Variants in PTPRM observed in about 807,000 individuals in gnomAD.
PTPRM encodes receptor-type tyrosine-protein phosphatase mu.
In PTPRM, 47 loss-of-function variants were observed where a neutral mutation model predicts 186.7. The observed-to-expected ratio is 0.25, with a 90% confidence interval of 0.20 to 0.32. The LOEUF is 0.32. PTPRM is among the 10% of genes least tolerant of loss of function. The pLI, the probability that PTPRM is intolerant of heterozygous loss-of-function variation, is 1.00. For missense variants in PTPRM, 1,494 were observed against 1,865.0 expected, an observed-to-expected ratio of 0.80 and a Z score of 3.66; for synonymous variants, 668 against 674.9, an observed-to-expected ratio of 0.99 and a Z score of 0.16.
intron 11 of PTPRM, among the ~76,000 whole-genome samples, chr18:8,110,375 C>T (rs905409619): frequency 1.9e-4 from 29 of 152,196 alleles, no homozygotes; most frequent in Admixed American, 1.4e-3. Flanking sequence ...TTTTAGGACA[C>T]AGGGCATCTG....
chr18:8,033,476 A>G (rs2086125789), intron 7 of PTPRM, among the ~76,000 whole-genome samples: 1 of 152,214 alleles, frequency 6.6e-6, no homozygotes, highest in African/African-American at 2.4e-5. Flanking sequence ...CCTAGATGGT[A>G]GAGCCAACTA....
intron 8 of PTPRM, 141 bp downstream of exon 8, chr18:8,070,135 T>C (rs989278536): frequency 1.3e-6 from 1 of 743,380 alleles, no homozygotes; most frequent in African/African-American, 1.8e-5. Flanking sequence ...TACTCTGTAT[T>C]CTTAAGCGCT....
chr18:7,746,901 G>A (rs560287820), intron 1 of PTPRM, among the ~76,000 whole-genome samples: 101 of 152,306 alleles, frequency 6.6e-4, no homozygotes, highest in African/African-American at 2.2e-3. Flanking sequence ...AGGTGACCCA[G>A]CTTCAAGTGT....
At chr18:7,657,447 C>T (rs2038876870) in intron 1 of PTPRM, among the ~76,000 whole-genome samples, 1 of 152,212 alleles carries the variant, frequency 6.6e-6, no homozygotes, top group Non-Finnish European at 1.5e-5. Context: ...GCAGTTGGTG[C>T]CATTTAACAG....
chr18:7,853,987 G>T (rs1264101223), intron 2 of PTPRM, among the ~76,000 whole-genome samples: 2 of 152,194 alleles, frequency 1.3e-5, no homozygotes, highest in Non-Finnish European at 2.9e-5. Flanking sequence ...CTCTGTATCT[G>T]TTGGACCTAG....
chr18:8,162,374 T>C (rs1053293750), intron 14 of PTPRM, among the ~76,000 whole-genome samples: 3 of 152,232 alleles, frequency 2.0e-5, no homozygotes, highest in African/African-American at 7.2e-5. Flanking sequence ...GTGCTGGGAT[T>C]ATGGGCATGA....
At chr18:8,294,363 T>C (rs7505246) in intron 19 of PTPRM, among the ~76,000 whole-genome samples, 102,601 of 152,070 alleles carry the variant, frequency 0.67, 35,515 homozygotes, top group African/African-American at 0.81. Flanking sequence ...CTAACAGTCA[T>C]GGCAGAAGGG....
chr18:8,253,343 G>T lies in PTPRM; in HGVS notation c.2683G>T (p.Val895Leu). The T allele has an allele frequency of 6.3e-7, 1 of 1,598,142 alleles. No homozygotes were observed. Among genetic ancestry groups the T allele is most frequent in the South Asian group, 1.1e-5 (1 of 88,314 alleles). ...TGGGCAGCTCCACCCCGCCATCCGG[G>T]TGGCAGACCTCCTTCAGCACATCAC... ...QTGQLHPAIR[V>L]ADLLQHITQM... The change falls in exon 19 of 33, where the codon GTG becomes TTG. Residue 895 changes from valine (V) to leucine (L), a missense_variant. This residue lies in a region of PTPRM where 1,107 missense variants were observed against 1,350.2 expected (regional missense o/e 0.82). Transcript: ENST00000580170.
intron 19 of PTPRM, among the ~76,000 whole-genome samples, chr18:8,289,210 A>AC (rs1010280806): frequency 1.1e-4 from 17 of 151,456 alleles, no homozygotes; most frequent in African/African-American, 3.6e-4. Flanking sequence ...TAAAATGCTC[A>AC]CCCCCCAATA....
chr18:7,950,197 C>A (rs1170298417), intron 6 of PTPRM, among the ~76,000 whole-genome samples: 1 of 149,372 alleles, frequency 6.7e-6, no homozygotes, highest in Non-Finnish European at 1.5e-5. Flanking sequence ...AAGTTCCAGA[C>A]CAGCCTGGGC....
chr18:7,782,346 G>A lies in PTPRM; in HGVS notation c.196+8075G>A, dbSNP rs1370650746. Among the ~76,000 whole-genome samples, 3 of 151,724 alleles carry A rather than the reference G, an allele frequency of 2.0e-5. No individual in the cohort carries two copies. In the East Asian group the frequency reaches 5.8e-4, roughly 29 times the overall value. On this transcript the variant is annotated intron_variant, in intron 2 of 32. Coordinates refer to ENST00000580170, the MANE Select transcript of PTPRM (RefSeq NM_001105244.2). ...ACGTTTCATGTTAATTAGGAAGGAA[G>A]GAAGGAAAGAAGGAAGGAAGGATGG... is the stretch of plus-strand genomic sequence containing the variant.
At chr18:8,082,714 T>C (rs1041423813) in intron 9 of PTPRM, among the ~76,000 whole-genome samples, 3 of 151,894 alleles carry the variant, frequency 2.0e-5, no homozygotes, top group Admixed American at 6.6e-5. Context: ...CTTCCTTCCC[T>C]AGTGACCCCC....
At chr18:8,199,324 G>A (rs1025862211) in intron 14 of PTPRM, among the ~76,000 whole-genome samples, 5 of 152,170 alleles carry the variant, frequency 3.3e-5, no homozygotes, top group African/African-American at 1.2e-4. Context: ...GGGACCCACA[G>A]CCAGGCACTG....
At chr18:8,172,007 TAC>T (rs1179417161) in intron 14 of PTPRM, among the ~76,000 whole-genome samples, 15 of 152,214 alleles carry the variant, frequency 9.9e-5, no homozygotes, top group Non-Finnish European at 2.1e-4. Context: ...GTACAGTTTC[TAC>T]TGAATGCGGA....
intron 2 of PTPRM, among the ~76,000 whole-genome samples, chr18:7,857,876 CAAAGAT>C (rs893898584): frequency 7.0e-4 from 107 of 152,182 alleles, no homozygotes; most frequent in African/African-American, 2.5e-3. Context: ...GAGCTGCTGA[CAAAGAT>C]AAAGAAGCAA....
chr18:7,994,837 A>C (rs1039409677), intron 7 of PTPRM, among the ~76,000 whole-genome samples: 5 of 152,164 alleles, frequency 3.3e-5, no homozygotes, highest in Admixed American at 6.6e-5. Context: ...CTAAGAGGGA[A>C]GTTTATAGTA....
chr18:8,310,174 T>A (rs900222100), intron 20 of PTPRM, among the ~76,000 whole-genome samples: 3 of 152,040 alleles, frequency 2.0e-5, no homozygotes, highest in Non-Finnish European at 4.4e-5. Flanking sequence ...TGGTCAGTCC[T>A]ACCACCTAAA....
At chr18:8,209,588 C>A (rs906749252) in intron 14 of PTPRM, among the ~76,000 whole-genome samples, 3 of 151,968 alleles carry the variant, frequency 2.0e-5, no homozygotes, top group South Asian at 4.2e-4. Flanking sequence ...TGTGTCCCCC[C>A]AAAAAGATGT....
At chr18:8,355,705 T>A (rs2095559832) in intron 23 of PTPRM, among the ~76,000 whole-genome samples, 2 of 152,200 alleles carry the variant, frequency 1.3e-5, no homozygotes, top group African/African-American at 2.4e-5. Context: ...CCTATCTGAG[T>A]TCTTTGATTA....
Sources: allele counts gnomAD v4.1 joint callset (sites outside exome capture counted in the v4.1 genomes callset), GRCh38; gene constraint gnomAD v4.1.1; regional missense constraint gnomAD v4.1.1; transcripts MANE v1.5; gene names NCBI Gene and HGNC (gene_info 2026-07-23, HGNC 2026-07-21).